The following PLAGL1 variants were observed in gnomAD, a reference collection of about 807,000 sequenced individuals.
PLAGL1 encodes PLAG1 like zinc finger 1, also known as zinc finger protein PLAGL1.
A neutral mutation model predicts 4.6 loss-of-function variants in PLAGL1; 1 was observed. That is an observed-to-expected ratio of 0.22 (90% CI 0.08 to 1.03). The LOEUF is 1.03. Ranked by LOEUF, PLAGL1 falls within the 50% of genes least tolerant of loss-of-function variation. The probability of loss-of-function intolerance (pLI) is 0.58; values close to 1 mark genes in which losing one functional copy is unlikely to be tolerated. For synonymous variants in PLAGL1, 240 were observed against 237.8 expected, an observed-to-expected ratio of 1.01 and a Z score of -0.08; for missense variants, 464 against 570.4, an observed-to-expected ratio of 0.81 and a Z score of 1.90.
Position 143,958,617 on chromosome 6 carries a change from A to G in PLAGL1, c.-325+1852T>C, listed in dbSNP as rs970716338. 1.3e-5 allele frequency among the ~76,000 whole-genome samples: 2 copies of G among 152,244 alleles called. No individual in the cohort carries two copies. The highest frequency in any genetic ancestry group is 4.8e-5 in the African/African-American group (2 of 41,466). ...TTTGCCTTTCCATGTCATGTCCAATAAATTCAAAGGATGCAAAGCAAATTG... is the reference window on the plus strand; with the variant it reads ...TTTGCCTTTCCATGTCATGTCCAATGAATTCAAAGGATGCAAAGCAAATTG... On this transcript the variant is annotated intron_variant, in intron 6 of 7. Transcript: ENST00000674357. The surrounding 1 kb of genome is among the most constrained non-coding windows in gnomAD (Gnocchi z 5.1).
chr6:143,992,084 A>T (rs1225777335), intron 1 of PLAGL1, among the ~76,000 whole-genome samples: 1 of 152,242 alleles, frequency 6.6e-6, no homozygotes, highest in Non-Finnish European at 1.5e-5. Flanking sequence ...CTTTGAACTT[A>T]GTTGGTCTGC....
intron 7 of PLAGL1, among the ~76,000 whole-genome samples, chr6:143,944,087 A>G (rs189698300): frequency 6.6e-6 from 1 of 152,354 alleles, no homozygotes; most frequent in East Asian, 1.9e-4. Flanking sequence ...TTTTGTCACG[A>G]GAGGTTAAAG....
intron 7 of PLAGL1, among the ~76,000 whole-genome samples, chr6:143,944,209 G>C (rs917574201): frequency 7.2e-5 from 11 of 152,078 alleles, no homozygotes; most frequent in Admixed American, 5.2e-4. Flanking sequence ...CTTTAAGACA[G>C]TATGTTTAAG....
chr6:144,044,757 T>C (rs1797999149), intron 1 of PLAGL1, among the ~76,000 whole-genome samples: 1 of 152,208 alleles, frequency 6.6e-6, no homozygotes, highest in Non-Finnish European at 1.5e-5. Flanking sequence ...ATCTGTCTAA[T>C]ATTGACAGTG....
In PLAGL1 at chr6:143,957,176, C is replaced by T. The variant is rs1782337182; in HGVS notation, c.-325+3293G>A. 6.6e-6 allele frequency among the ~76,000 whole-genome samples: 1 copy of T among 152,190 alleles called. No individual in the cohort carries two copies. Among genetic ancestry groups the T allele is most frequent in the Non-Finnish European group, 1.5e-5 (1 of 68,028 alleles). ...TCACAAAAAAATAGACAAATGTCTA[C>T]AAGTAAAATAGATGTGTGCATTGAG... On this transcript the variant is annotated intron_variant, in intron 6 of 7. Transcript: ENST00000674357. This position sits in a 1 kb window ranked among gnomAD's most constrained non-coding sequence, Gnocchi z 4.2.
At chr6:144,028,911 C>T (rs1483455016) in intron 1 of PLAGL1, among the ~76,000 whole-genome samples, 1 of 152,050 alleles carries the variant, frequency 6.6e-6, no homozygotes, top group African/African-American at 2.4e-5. Flanking sequence ...TTCCAAATTA[C>T]AGTAATTAAT....
At chr6:144,057,641 C>T (rs1333956917) in intron 1 of PLAGL1, among the ~76,000 whole-genome samples, 1 of 152,176 alleles carries the variant, frequency 6.6e-6, no homozygotes, top group Non-Finnish European at 1.5e-5. Flanking sequence ...AATGCCACAC[C>T]CATTAGCTTC....
At position 144,050,937 on chromosome 6, in the gene PLAGL1, G is replaced by A. The variant is rs1001070642; in HGVS notation, c.-151+13531C>T. Reference sequence around the variant, plus strand: ...CCAAAAACCTTAGGGAACTGTATCTGTTACTCTTTTATTACCAATAATATC... The same window carrying A: ...CCAAAAACCTTAGGGAACTGTATCTATTACTCTTTTATTACCAATAATATC... On this transcript the variant is annotated intron_variant, in intron 1 of 3. Coordinates refer to the PLAGL1 transcript ENST00000437412. This position sits in a 1 kb window ranked among gnomAD's most constrained non-coding sequence, Gnocchi z 4.3. Among the ~76,000 whole-genome samples, 2 of 152,122 alleles carry A rather than the reference G, an allele frequency of 1.3e-5. No homozygotes were observed. Among genetic ancestry groups the A allele is most frequent in the Non-Finnish European group, 1.5e-5 (1 of 68,020 alleles).
chr6:143,998,867 G>C (rs1460492789), intron 1 of PLAGL1, among the ~76,000 whole-genome samples: 1 of 152,162 alleles, frequency 6.6e-6, no homozygotes, highest in African/African-American at 2.4e-5. Context: ...TGCGTGGTTA[G>C]GACCACCTGT....
At position 144,005,191 on chromosome 6, in the gene PLAGL1, T is replaced by C. The variant is rs2128670414; in HGVS notation, c.-584+2899A>G. The C allele has an allele frequency of 6.6e-6, 1 of 152,156 alleles. No individual in the cohort carries two copies. The highest frequency in any genetic ancestry group is 3.4e-3 in the Middle Eastern group (1 of 294). The allele number at this position is 152,156 out of a possible 1,614,324, so 9.4% of individuals were successfully genotyped here. On this transcript the variant is annotated intron_variant, in intron 1 of 7. Coordinates refer to ENST00000674357, the MANE Select transcript of PLAGL1 (RefSeq NM_001317162.2). This position sits in a 1 kb window ranked among gnomAD's most constrained non-coding sequence, Gnocchi z 4.6. ...TGCTAACTACAGTGCAAATTAGAAA[T>C]CAGTAACAAAAGGATAACTCACAAA...
intron 1 of PLAGL1, among the ~76,000 whole-genome samples, chr6:144,057,595 T>C (rs1799069467): frequency 6.6e-6 from 1 of 152,138 alleles, no homozygotes; most frequent in South Asian, 2.1e-4. Flanking sequence ...CACAAGCTGA[T>C]AAAAGATGCT....
chr6:143,991,236 C>T (rs1226419723), intron 1 of PLAGL1, among the ~76,000 whole-genome samples: 5 of 152,148 alleles, frequency 3.3e-5, no homozygotes. Context: ...TTTTAATTTA[C>T]CATACATCTA....
chr6:143,988,331 C>T (rs1397479289), intron 1 of PLAGL1, among the ~76,000 whole-genome samples: 1 of 152,206 alleles, frequency 6.6e-6, no homozygotes, highest in African/African-American at 2.4e-5. Context: ...AAGACTATAT[C>T]TGTATAACTT....
Position 144,048,011 on chromosome 6 carries a change from G to C in PLAGL1, c.-151+16457C>G, listed in dbSNP as rs2128722315. 6.6e-6 allele frequency among the ~76,000 whole-genome samples: 1 copy of C among 152,270 alleles called. No homozygotes were observed. The highest frequency in any genetic ancestry group is 1.9e-4 in the East Asian group (1 of 5,180). ...TAGATAAATGCTCCCATTCCAAATG[G>C]GAGAAATTGGTCAAAACAAAAGGGC... On this transcript the variant is annotated intron_variant, in intron 1 of 3. Transcript: ENST00000437412. This position sits in a 1 kb window ranked among gnomAD's most constrained non-coding sequence, Gnocchi z 4.8.
rs183686027 is a variant in PLAGL1, at chr6:143,953,740, A to G, written c.-324-5280T>C. Among the ~76,000 whole-genome samples, 2 of 152,358 alleles carry G rather than the reference A, an allele frequency of 1.3e-5. No homozygotes were observed. The highest frequency in any genetic ancestry group is 1.9e-4 in the East Asian group (1 of 5,188). On this transcript the variant is annotated intron_variant, in intron 6 of 7. Coordinates refer to ENST00000674357, the MANE Select transcript of PLAGL1 (RefSeq NM_001317162.2). The surrounding 1 kb of genome is among the most constrained non-coding windows in gnomAD (Gnocchi z 5.3). ...TAAACAAGCAGTGATCGACTTGGCC[A>G]TCCTAAGAAAGCTAAAGTTTAAGCC... is the stretch of plus-strand genomic sequence containing the variant.
chr6:143,948,450 C>T lies in PLAGL1; in HGVS notation c.-314G>A, dbSNP rs1181775776. The T allele has an allele frequency of 1.9e-5, 5 of 269,970 alleles. No individual in the cohort carries two copies. Among genetic ancestry groups the T allele is most frequent in the Non-Finnish European group, 2.9e-5 (4 of 139,078 alleles). 16.7% of individuals were successfully genotyped at this position (269,970 alleles called of 1,614,324 possible). On this transcript the variant is annotated 5_prime_UTR_variant, in exon 7 of 8. Transcript: ENST00000674357. This position sits in a 1 kb window ranked among gnomAD's most constrained non-coding sequence, Gnocchi z 6.0. ...CTATAGCTGGGGCATGTCCTGGGTC[C>T]CCCGGATTGGCTGTGGAGAGAAGAG...
intron 2 of PLAGL1, among the ~76,000 whole-genome samples, chr6:143,981,549 A>G (rs1450220162): frequency 2.6e-5 from 4 of 152,152 alleles, no homozygotes; most frequent in Admixed American, 1.3e-4. Flanking sequence ...CCTGCACTGC[A>G]GCCTGGGGCA....
chr6:144,057,876 T>A (rs1799101468), intron 1 of PLAGL1, among the ~76,000 whole-genome samples: 1 of 151,942 alleles, frequency 6.6e-6, no homozygotes, highest in Non-Finnish European at 1.5e-5. Flanking sequence ...CTGAAGGAAC[T>A]TATTATTACT....
rs972470138 is a variant in PLAGL1, at chr6:144,022,351, C to G, written c.-151+42117G>C. Among the ~76,000 whole-genome samples, 5 of 152,150 alleles carry G rather than the reference C, an allele frequency of 3.3e-5. No individual in the cohort carries two copies. Among genetic ancestry groups the G allele is most frequent in the African/African-American group, 1.2e-4 (5 of 41,434 alleles). Reference sequence around the variant, plus strand: ...AAAACAAGATACTAGTACATACTTACTAGAATGGCTAAATTTGTTTTTAAA... The same window carrying G: ...AAAACAAGATACTAGTACATACTTAGTAGAATGGCTAAATTTGTTTTTAAA... On this transcript the variant is annotated intron_variant, in intron 1 of 3. Transcript: ENST00000437412. This position sits in a 1 kb window ranked among gnomAD's most constrained non-coding sequence, Gnocchi z 4.2.
Sources: allele counts gnomAD v4.1 joint callset (sites outside exome capture counted in the v4.1 genomes callset), GRCh38; gene constraint gnomAD v4.1.1; non-coding constraint Gnocchi (gnomAD v3.1); transcripts MANE v1.5; gene names NCBI Gene and HGNC (gene_info 2026-07-23, HGNC 2026-07-21).